IFT46: variants seen among roughly 807,000 people sequenced by gnomAD.
The protein encoded by IFT46 is intraflagellar transport protein 46 homolog.
Under a neutral mutation model 39.6 loss-of-function variants are expected in IFT46, and 19 were observed. That is an observed-to-expected ratio of 0.48 (90% CI 0.33 to 0.70). The LOEUF (loss-of-function observed/expected upper bound fraction) is 0.70. Ranked by LOEUF, IFT46 falls within the 30% of genes least tolerant of loss-of-function variation. The pLI is 0.01. For synonymous variants in IFT46, 117 were observed against 134.8 expected (o/e 0.87, Z 0.91); for missense variants, 334 against 364.8 (o/e 0.92, Z 0.69).
upstream of IFT46, among the ~76,000 whole-genome samples, chr11:118,574,874 C>A (rs1159312470): frequency 6.6e-6 from 1 of 152,194 alleles, no homozygotes; most frequent in African/African-American, 2.4e-5. Flanking sequence ...TCAAGCAATC[C>A]TCCCGCCTCC....
intron 9 of IFT46, chr11:118,546,632 G>A (rs1555067235): frequency 6.4e-6 from 1 of 156,186 alleles, no homozygotes; most frequent in Non-Finnish European, 1.4e-5. Flanking sequence ...TGTTATGGCA[G>A]CCTAGCAAAA....
chr11:118,576,437 A>AC (rs1555073644), upstream of IFT46, among the ~76,000 whole-genome samples: 3 of 146,628 alleles, frequency 2.0e-5, no homozygotes, highest in East Asian at 2.4e-4. Context: ...AAAAAAAAAA[A>AC]AAAAAAAAAA....
At chr11:118,557,632 T>C in intron 3 of IFT46, 1 of 1,318,930 alleles carries the variant, frequency 7.6e-7, no homozygotes, top group Non-Finnish European at 1.1e-6. Flanking sequence ...TCATGGAGTA[T>C]CTGACCTATC....
At position 118,565,154 on chromosome 11, in the gene IFT46, C is replaced by T. The variant is rs1001315245; in HGVS notation, c.-132-93G>A. On this transcript the variant is annotated intron_variant, in intron 1 of 11. Transcript: ENST00000264021. ...TTCCAAACCAGCATTGGCTCCTCTT[C>T]CTTACTCAAGAAACCAGTTTTTCAC... 3.3e-5 allele frequency: 5 copies of T among 152,540 alleles called. 1 individual carries two copies. In the Middle Eastern group the frequency reaches 0.01, roughly 311 times the overall value. 9.4% of individuals were successfully genotyped at this position (152,540 alleles called of 1,614,324 possible).
intron 1 of IFT46, chr11:118,572,539 G>C: frequency 6.2e-7 from 1 of 1,611,302 alleles, no homozygotes; most frequent in South Asian, 1.1e-5. Context: ...CCCCACCACC[G>C]CCCTCACCAT....
chr11:118,556,492 C>CA (rs1232653909), intron 4 of IFT46, among the ~76,000 whole-genome samples: 1,922 of 148,272 alleles, frequency 0.013, 33 homozygotes, highest in African/African-American at 0.041. Flanking sequence ...GACTCTGTCT[C>CA]AAAAAAAAAA....
chr11:118,560,020 C>T, intron 2 of IFT46, 156 bp from the exon 3 acceptor site: 1 of 611,178 alleles, frequency 1.6e-6, no homozygotes, highest in Non-Finnish European at 2.9e-6. Context: ...CTAGTCATGG[C>T]TCTGCCAGTT....
chr11:118,544,898 A>T lies in IFT46; in HGVS notation c.*18T>A, dbSNP rs1951637991. The T allele has an allele frequency of 6.3e-7, 1 of 1,577,878 alleles. No homozygotes were observed. The highest frequency in any genetic ancestry group is 8.7e-7 in the Non-Finnish European group (1 of 1,147,876). The stretch of plus-strand genomic sequence containing the variant: ...AGAGGGGCCAGCTCAGCCTTGAAAC[A>T]GCAGCTTGGGAAGTGTCTCAGCTGA... On this transcript the variant is annotated 3_prime_UTR_variant, in exon 12 of 12. Coordinates refer to ENST00000264021, the MANE Select transcript of IFT46 (RefSeq NM_001168618.2).
chr11:118,548,956 A>G lies in IFT46; in HGVS notation c.672+2830T>C, dbSNP rs1951759367. ...TACCCAGGCTGGAGTGCAGTGATGC[A>G]ATCTTGGCTCACTGCAACATCTGCA... On this transcript the variant is annotated intron_variant, in intron 9 of 11. Coordinates refer to ENST00000264021, the MANE Select transcript of IFT46 (RefSeq NM_001168618.2). Among the ~76,000 whole-genome samples, 4 of 148,596 alleles carry G rather than the reference A, an allele frequency of 2.7e-5. No homozygotes were observed. In the South Asian group the frequency reaches 8.5e-4, roughly 32 times the overall value.
chr11:118,573,823 T>C, upstream of IFT46: 1 of 477,674 alleles, frequency 2.1e-6, no homozygotes. Context: ...TCCTAAAATT[T>C]TTGTGTTGGA....
intron 1 of IFT46, among the ~76,000 whole-genome samples, chr11:118,571,788 C>T (rs1938341144): frequency 6.6e-6 from 1 of 152,106 alleles, no homozygotes; most frequent in Admixed American, 6.6e-5. Context: ...CTTTTTATTG[C>T]TGAGTTATAA....
chr11:118,559,760 C>T, intron 3 of IFT46, 25 bp downstream of exon 3: 1 of 1,595,884 alleles, frequency 6.3e-7, no homozygotes, highest in Non-Finnish European at 8.6e-7. Flanking sequence ...AGAAATTCTA[C>T]AAGAAGCTGT....
In IFT46 at chr11:118,559,771, G is replaced by C; in HGVS notation, c.45+14C>G. Reference sequence around the variant, plus strand: ...AAGCAGAAATTCTACAAGAAGCTGTGAGTTTTACTGTACCTTGTTATTTTC... The same window carrying C: ...AAGCAGAAATTCTACAAGAAGCTGTCAGTTTTACTGTACCTTGTTATTTTC... On this transcript the variant is annotated intron_variant, in intron 3 of 11. Transcript: ENST00000264021. 10 of 1,606,112 alleles carry C rather than the reference G, an allele frequency of 6.2e-6. No homozygotes were observed. The highest frequency in any genetic ancestry group is 8.5e-6 in the Non-Finnish European group (10 of 1,172,926).
rs531093968 is a variant in IFT46, at chr11:118,572,495, C to G, written c.-133+101G>C. On this transcript the variant is annotated intron_variant, in intron 1 of 5. Coordinates refer to the IFT46 transcript ENST00000528378. ...TGGTGCTCCCGTTCCCCAGACCCTA[C>G]CCCTATCCCCAGTGGAGCCGGAGTG... 1.2e-4 allele frequency: 196 copies of G among 1,607,110 alleles called. No individual in the cohort carries two copies. In the African/African-American group the frequency reaches 2.4e-3, roughly 20 times the overall value.
chr11:118,558,319 C>G (rs547568870), intron 3 of IFT46, among the ~76,000 whole-genome samples: 2 of 152,102 alleles, frequency 1.3e-5, no homozygotes, highest in Non-Finnish European at 2.9e-5. Context: ...ATTGTCAGCC[C>G]GGGGTGGTGG....
rs146500266 is a variant in IFT46, at chr11:118,563,092, G to A, written c.-36+1873C>T. Among the ~76,000 whole-genome samples, 885 of 151,402 alleles carry A rather than the reference G, an allele frequency of 5.8e-3. 5 individuals are homozygous for A. The highest frequency in any genetic ancestry group is 8.3e-3 in the Non-Finnish European group (566 of 67,900). ...AAAAAAAAAAAAGTGCAATATACAT[G>A]CAATGGAATATTACTCAGCCTTAAA... On this transcript the variant is annotated intron_variant, in intron 2 of 11. Coordinates refer to ENST00000264021, the MANE Select transcript of IFT46 (RefSeq NM_001168618.2).
chr11:118,546,601 G>A (rs2135469385), intron 9 of IFT46: 1 of 173,822 alleles, frequency 5.8e-6, no homozygotes, highest in East Asian at 1.5e-4. Flanking sequence ...TGATGTCTAA[G>A]CCACTCAGTC....
chr11:118,546,806 T>A (rs918874161), intron 9 of IFT46: 8 of 152,252 alleles, frequency 5.3e-5, no homozygotes, highest in African/African-American at 1.9e-4. Flanking sequence ...CTTGGTGTTA[T>A]AATGCCTAAT....
Position 118,563,873 on chromosome 11 carries a change from T to TCACC in IFT46, c.-36+1088_-36+1091dup, listed in dbSNP as rs1233750463. On this transcript the variant is annotated intron_variant, in intron 2 of 11. Transcript: ENST00000264021. ...CCCTGCCATCTATCAGTCTTACATG[T>TCACC]CACCCCTTTAGGTCTTCCCTGACCA... 2.6e-5 allele frequency among the ~76,000 whole-genome samples: 4 copies of TCACC among 152,108 alleles called. No individual in the cohort carries two copies. The East Asian group carries it at 7.7e-4, about 29-fold the overall frequency.
Sources: gnomAD v4.1 joint callset for allele counts (sites outside exome capture counted in the v4.1 genomes callset) on GRCh38, gnomAD v4.1.1 for gene constraint, MANE v1.5 for transcripts, NCBI Gene and HGNC (gene_info 2026-07-23, HGNC 2026-07-21) for gene names.